The following PKD2L2 variants were observed in gnomAD, a reference collection of about 807,000 sequenced individuals.
PKD2L2 encodes polycystin-2-like protein 2.
A neutral mutation model predicts 83.9 loss-of-function variants in PKD2L2; 67 were observed. That is an observed-to-expected ratio of 0.80 (90% CI 0.66 to 0.98). PKD2L2 has a LOEUF of 0.98. PKD2L2 is among the 50% of genes least tolerant of loss of function. PKD2L2 has a pLI of 0.00. For synonymous variants in PKD2L2, 223 were observed against 237.8 expected, an observed-to-expected ratio of 0.94 and a Z score of 0.57; for missense variants, 632 against 717.2, an observed-to-expected ratio of 0.88 and a Z score of 1.36.
At chr5:137,913,516 T>A (rs1489472239) in intron 8 of PKD2L2, among the ~76,000 whole-genome samples, 2 of 139,744 alleles carry the variant, frequency 1.4e-5, no homozygotes, top group African/African-American at 5.4e-5. Flanking sequence ...TGGGATGGAG[T>A]CTCACTCTGT....
At chr5:137,922,303 A>G (rs1046402835) in intron 9 of PKD2L2, among the ~76,000 whole-genome samples, 1 of 152,196 alleles carries the variant, frequency 6.6e-6, no homozygotes, top group African/African-American at 2.4e-5. Context: ...AGGGTGACAG[A>G]GCTGGGCCAC....
chr5:137,894,562 T>C lies in PKD2L2; in HGVS notation c.477T>C (p.Thr159=). Residue 159 remains threonine, a synonymous_variant, in exon 4 of 15, where the codon ACT becomes ACC. Coordinates refer to ENST00000508883, the MANE Select transcript of PKD2L2 (RefSeq NM_001300921.2). ...TGAGTGAATGTTATGGCAAATATACTTCTGCAAATGAAGACCTCTCTAATT... is the reference window on the plus strand; with the variant it reads ...TGAGTGAATGTTATGGCAAATATACCTCTGCAAATGAAGACCTCTCTAATT... The part of the protein sequence containing the change: ...SLMSECYGKY[T]SANEDLSNFG... 1.2e-6 allele frequency: 2 copies of C among 1,613,118 alleles called. No homozygotes were observed. The highest frequency in any genetic ancestry group is 1.7e-6 in the Non-Finnish European group (2 of 1,179,190).
intron 8 of PKD2L2, among the ~76,000 whole-genome samples, chr5:137,918,732 ACT>A (rs1453212275): frequency 6.6e-6 from 1 of 152,088 alleles, no homozygotes; most frequent in Middle Eastern, 3.4e-3. Flanking sequence ...TCTTCAATAG[ACT>A]CTAGAGTTCC....
chr5:137,919,631 C>G (rs1758707782), intron 8 of PKD2L2, among the ~76,000 whole-genome samples: 1 of 151,980 alleles, frequency 6.6e-6, no homozygotes, highest in Non-Finnish European at 1.5e-5. Flanking sequence ...TCCACCAATT[C>G]CTTCCAATTC....
In PKD2L2 at chr5:137,895,877, C is replaced by CAAAA. The variant is rs375612119; in HGVS notation, c.524+1282_524+1285dup. ...TGGACGGTAGTGTGAGACACAGTCT[C>CAAAA]AAAAAAAAAAAAAAAAAGGCCAAGT... is the stretch of plus-strand genomic sequence containing the variant. On this transcript the variant is annotated intron_variant, in intron 4 of 14. Transcript: ENST00000508883. Among the ~76,000 whole-genome samples the CAAAA allele has an allele frequency of 1.8e-3, 161 of 90,142 alleles. 2 individuals carry two copies. The highest frequency in any genetic ancestry group is 6.3e-3 in the African/African-American group (157 of 25,108). The allele number at this position is 90,142 out of a possible 152,430, so 59.1% of individuals were successfully genotyped here. A position where few individuals can be genotyped will look rare whatever the true frequency, so the allele number is the denominator to read the frequency against.
chr5:137,908,058 T>A, intron 7 of PKD2L2, 146 bp downstream of exon 7: 1 of 415,196 alleles, frequency 2.4e-6, no homozygotes, highest in African/African-American at 2.0e-5. Flanking sequence ...CTCATACCTG[T>A]ACTCCTAGCA....
At chr5:137,889,747 G>A (rs185203688) in intron 1 of PKD2L2, among the ~76,000 whole-genome samples, 1 of 152,252 alleles carries the variant, frequency 6.6e-6, no homozygotes, top group Non-Finnish European at 1.5e-5. Context: ...CCGGAGGCTC[G>A]AGCTGGGCGT....
chr5:137,899,569 G>A lies in PKD2L2; in HGVS notation c.578G>A (p.Gly193Asp). The change falls in exon 5 of 15, where the codon GGT becomes GAT. Residue 193 changes from glycine to aspartate, a missense_variant. Coordinates refer to ENST00000508883, the MANE Select transcript of PKD2L2 (RefSeq NM_001300921.2). ...TCCCCTTGGCACTGGGGATTTCTTG[G>A]TGTTTACCGAAATGGGGGATACATT... ...TNSPWHWGFL[G>D]VYRNGGYIFT... The A allele has an allele frequency of 1.2e-6, 2 of 1,613,812 alleles. No homozygotes were observed. Among genetic ancestry groups the A allele is most frequent in the Non-Finnish European group, 1.7e-6 (2 of 1,179,782 alleles).
In PKD2L2 at chr5:137,918,800, G is replaced by A. The variant is rs1204959985; in HGVS notation, c.1329-2836G>A. Among the ~76,000 whole-genome samples the A allele has an allele frequency of 3.3e-5, 5 of 152,064 alleles. No individual in the cohort carries two copies. In the East Asian group the frequency reaches 9.6e-4, roughly 29 times the overall value. ...GTAATTGTTGTCTAGATGGGGACAG[G>A]GGAGAAATAAGTTTCCCATGGTTCT... On this transcript the variant is annotated intron_variant, in intron 8 of 14. Transcript: ENST00000508883.
chr5:137,942,059 G>T, intron 14 of PKD2L2: 1 of 1,592,776 alleles, frequency 6.3e-7, no homozygotes, highest in Non-Finnish European at 8.6e-7. Context: ...GAATTGAAAT[G>T]GTAAAATACT....
At chr5:137,907,713 A>C in intron 6 of PKD2L2, 29 bp from the exon 7 acceptor site, 2 of 1,350,364 alleles carry the variant, frequency 1.5e-6, no homozygotes, top group South Asian at 1.9e-5. Context: ...GATATTCTCT[A>C]ATTTAACCCT....
chr5:137,894,708 G>A, intron 4 of PKD2L2, 99 bp downstream of exon 4: 2 of 857,774 alleles, frequency 2.3e-6, no homozygotes, highest in South Asian at 3.4e-5. Context: ...TCCTGGAAGG[G>A]TAAGGAAACT....
At chr5:137,921,883 A>T in intron 9 of PKD2L2, 127 bp downstream of exon 9, 1 of 704,232 alleles carries the variant, frequency 1.4e-6, no homozygotes, top group Non-Finnish European at 2.3e-6. Flanking sequence ...AATTGTGTGG[A>T]TCCCTAGTAA....
In PKD2L2 at chr5:137,921,772, AT is replaced by A; in HGVS notation, c.1449+18del. The A allele has an allele frequency of 6.5e-7, 1 of 1,543,798 alleles. No individual in the cohort carries two copies. The highest frequency in any genetic ancestry group is 8.8e-7 in the Non-Finnish European group (1 of 1,134,000). On this transcript the variant is annotated intron_variant, in intron 9 of 14. Transcript: ENST00000508883. ...TGTCCTGCTGGTAAGAATAATACAT[AT>A]TCCTTTCATTTCTTACTTTTTAGAA... is the stretch of plus-strand genomic sequence containing the variant.
At position 137,923,486 on chromosome 5, in the gene PKD2L2, A is replaced by C; in HGVS notation, c.1516A>C (p.Arg506=). 1.3e-6 allele frequency: 2 copies of C among 1,571,194 alleles called. No individual in the cohort carries two copies. The highest frequency in any genetic ancestry group is 2.2e-5 in the South Asian group (2 of 90,194). ...EVKADYSIGR[R]LDFELGKMIK... is the part of the protein sequence containing the mutation. Reference sequence around the variant, plus strand: ...GAAAGCTGACTATTCAATAGGCAGAAGGCTAGATTTTGAACTTGGCAAAAT... The same window carrying C: ...GAAAGCTGACTATTCAATAGGCAGACGGCTAGATTTTGAACTTGGCAAAAT... The change falls in exon 10 of 15, where the codon AGG becomes CGG. Residue 506 remains arginine, a synonymous_variant. Transcript: ENST00000508883.
At chr5:137,940,900 C>G (rs780447547) in intron 14 of PKD2L2, among the ~76,000 whole-genome samples, 1 of 151,976 alleles carries the variant, frequency 6.6e-6, no homozygotes, top group African/African-American at 2.4e-5. Flanking sequence ...TGCATTTCTG[C>G]ACTTCAATTT....
chr5:137,900,836 G>A (rs754043194), intron 5 of PKD2L2, among the ~76,000 whole-genome samples: 2 of 152,034 alleles, frequency 1.3e-5, no homozygotes, highest in African/African-American at 2.4e-5. Context: ...ATTCTAAAAC[G>A]ATTTTTAAAA....
intron 14 of PKD2L2, among the ~76,000 whole-genome samples, chr5:137,937,676 C>G (rs1467171478): frequency 6.6e-6 from 1 of 152,224 alleles, no homozygotes; most frequent in Non-Finnish European, 1.5e-5. Context: ...TCTTAAGAGA[C>G]TGTACATCCA....
In PKD2L2 at chr5:137,921,697, C is replaced by A; in HGVS notation, c.1390C>A (p.Pro464Thr). ...TTTTGCTGGTATTCAGCAAGCCAAT[C>A]CTATCTTGGGACCCATTTACTTCAT... ...FNFAGIQQAN[P>T]ILGPIYFITF... The change falls in exon 9 of 15, where the codon CCT becomes ACT. Residue 464 changes from proline to threonine, a missense_variant. Physicochemically the swap from Pro to Thr is conservative, Grantham distance 38. Around this residue, in one of 3 missense-constraint regions of PKD2L2, gnomAD observed 399 missense variants for 416.9 expected, o/e 0.96. Coordinates refer to ENST00000508883, the MANE Select transcript of PKD2L2 (RefSeq NM_001300921.2). 6.2e-7 allele frequency: 1 copy of A among 1,607,874 alleles called. No homozygotes were observed. Among genetic ancestry groups the A allele is most frequent in the Non-Finnish European group, 8.5e-7 (1 of 1,175,408 alleles).
Sources: allele counts gnomAD v4.1 joint callset (sites outside exome capture counted in the v4.1 genomes callset), GRCh38; gene constraint gnomAD v4.1.1; regional missense constraint gnomAD v4.1.1; transcripts MANE v1.5; gene names NCBI Gene and HGNC (gene_info 2026-07-23, HGNC 2026-07-21).